THOC5: variants seen among roughly 807,000 people sequenced by gnomAD.
THOC5 encodes the protein Fms-interacting protein.
A neutral mutation model predicts 92.9 loss-of-function variants in THOC5; 43 were observed. That is an observed-to-expected ratio of 0.46 (90% CI 0.36 to 0.60). The LOEUF (loss-of-function observed/expected upper bound fraction) is 0.60, where lower values mean the gene tolerates loss of function less well. Ranked by LOEUF, THOC5 falls within the 20% of genes least tolerant of loss-of-function variation. THOC5 has a pLI of 0.00. For missense variants in THOC5, 659 were observed against 849.4 expected, an observed-to-expected ratio of 0.78 and a Z score of 2.79; for synonymous variants, 296 against 320.1, an observed-to-expected ratio of 0.92 and a Z score of 0.80.
intron 11 of THOC5, among the ~76,000 whole-genome samples, chr22:29,527,236 A>G (rs892048719): frequency 6.6e-6 from 1 of 152,156 alleles, no homozygotes; most frequent in Non-Finnish European, 1.5e-5. Context: ...CCTGGGCAAC[A>G]TGACAAAACC....
At chr22:29,528,490 C>T in intron 9 of THOC5, 24 bp from the exon 10 acceptor site, 1 of 1,612,082 alleles carries the variant, frequency 6.2e-7, no homozygotes, top group Non-Finnish European at 8.5e-7. Context: ...GAGAAGGCAG[C>T]TAGAGGTGAG....
chr22:29,526,707 C>T (rs895977339), intron 11 of THOC5, among the ~76,000 whole-genome samples: 1 of 151,854 alleles, frequency 6.6e-6, no homozygotes, highest in African/African-American at 2.4e-5. Context: ...GGGAACCAAG[C>T]GATCAAGGTC....
At chr22:29,526,143 T>C (rs1052931170) in intron 11 of THOC5, among the ~76,000 whole-genome samples, 197 bp from the exon 12 acceptor site, 4 of 152,040 alleles carry the variant, frequency 2.6e-5, no homozygotes, top group Non-Finnish European at 5.9e-5. Flanking sequence ...AATCGGCACA[T>C]GTATCCCCAG....
At chr22:29,510,342 A>T (rs2063200603) in intron 19 of THOC5, among the ~76,000 whole-genome samples, 1 of 152,174 alleles carries the variant, frequency 6.6e-6, no homozygotes. Context: ...CATGCCTGTA[A>T]TCCCAGCACT....
chr22:29,524,109 G>A (rs2063497618), intron 12 of THOC5, among the ~76,000 whole-genome samples: 1 of 152,232 alleles, frequency 6.6e-6, no homozygotes, highest in African/African-American at 2.4e-5. Flanking sequence ...CAGTTTCACA[G>A]TGGCATCTCC....
intron 17 of THOC5, 82 bp downstream of exon 17, chr22:29,516,947 T>G: frequency 1.4e-6 from 2 of 1,388,924 alleles, no homozygotes; most frequent in South Asian, 2.3e-5. Flanking sequence ...TCCAGGATCT[T>G]CTGCTTTGGG....
chr22:29,516,921 T>C (rs2063343695), intron 17 of THOC5, 108 bp downstream of exon 17: 6 of 990,588 alleles, frequency 6.1e-6, no homozygotes, highest in Non-Finnish European at 9.6e-6. Flanking sequence ...TATTATCTGT[T>C]AAGTCCTTGC....
intron 1 of THOC5, among the ~76,000 whole-genome samples, chr22:29,551,960 A>AT (rs2064159253): frequency 6.6e-6 from 1 of 151,712 alleles, no homozygotes; most frequent in South Asian, 2.1e-4. Flanking sequence ...TGGTTTTCGT[A>AT]TTTTTTGGTG....
chr22:29,523,296 G>A (rs1384854788), intron 12 of THOC5, among the ~76,000 whole-genome samples: 2 of 151,822 alleles, frequency 1.3e-5, no homozygotes, highest in Non-Finnish European at 2.9e-5. Flanking sequence ...CTCTGTCAGG[G>A]AGGATTTTTA....
chr22:29,525,810 G>GTCA, intron 12 of THOC5, 28 bp downstream of exon 12: 1 of 1,583,552 alleles, frequency 6.3e-7, no homozygotes, highest in Non-Finnish European at 8.7e-7. Flanking sequence ...CATCCCGCAC[G>GTCA]TCATTGCCCA....
At chr22:29,514,662 A>G (rs1029949604) in intron 17 of THOC5, among the ~76,000 whole-genome samples, 24 of 151,242 alleles carry the variant, frequency 1.6e-4, no homozygotes, top group Non-Finnish European at 2.2e-4. Context: ...TATTCGTCTA[A>G]ATTTTGCTTT....
chr22:29,531,260 G>A (rs1043514909), intron 8 of THOC5: 3 of 1,012,290 alleles, frequency 3.0e-6, no homozygotes, highest in Non-Finnish European at 3.6e-6. Context: ...AGGTGGGGTG[G>A]GGTGGGGGAG....
At chr22:29,539,213 T>C (rs2063828508) in intron 6 of THOC5, 117 bp downstream of exon 6, 1 of 1,064,610 alleles carries the variant, frequency 9.4e-7, no homozygotes, top group Non-Finnish European at 1.4e-6. Flanking sequence ...AATCATAAAA[T>C]GGGATTTGGT....
intron 2 of THOC5, among the ~76,000 whole-genome samples, chr22:29,547,487 C>T (rs569529619): frequency 5.5e-4 from 84 of 152,200 alleles, no homozygotes; most frequent in African/African-American, 1.5e-3. Context: ...CTCAGCCTCC[C>T]GAGTAGCTGG....
intron 18 of THOC5, 113 bp from the exon 19 acceptor site, chr22:29,511,409 G>T: frequency 8.5e-7 from 1 of 1,174,050 alleles, no homozygotes; most frequent in Non-Finnish European, 1.2e-6. Context: ...TGCAGGGGCT[G>T]GGCCAGGGGC....
At chr22:29,536,988 T>C (rs1033523398) in intron 6 of THOC5, among the ~76,000 whole-genome samples, 4 of 152,258 alleles carry the variant, frequency 2.6e-5, no homozygotes, top group African/African-American at 9.6e-5. Context: ...GGCAAGTAGA[T>C]AACTTGCCCA....
intron 7 of THOC5, among the ~76,000 whole-genome samples, chr22:29,532,319 A>G (rs2063671640): frequency 6.6e-6 from 1 of 151,958 alleles, no homozygotes. Context: ...TCAATTTAAA[A>G]AAAGAAATTA....
In THOC5 at chr22:29,517,072, C is replaced by A. The variant is rs766700272; in HGVS notation, c.1638G>T (p.Gly546=). The change falls in exon 17 of 20, where the codon GGG becomes GGT. Residue 546 remains glycine (G), a synonymous_variant. Coordinates refer to ENST00000490103, the MANE Select transcript of THOC5 (RefSeq NM_003678.5). Reference sequence around the variant, plus strand: ...GCGCCATGTAGTAGAGATTGGTGTCCCCAGCCAGTCCCGCATCCACAATGT... The same window carrying A: ...GCGCCATGTAGTAGAGATTGGTGTCACCAGCCAGTCCCGCATCCACAATGT... The part of the protein sequence containing the change: ...TKDIVDAGLA[G]DTNLYYMALI... The A allele has an allele frequency of 6.2e-7, 1 of 1,614,090 alleles. No homozygotes were observed. Among genetic ancestry groups the A allele is most frequent in the South Asian group, 1.1e-5 (1 of 91,074 alleles).
In THOC5 at chr22:29,511,306, A is replaced by C. The variant is rs771369027; in HGVS notation, c.1798-10T>G. ...CTTCGCCCTCCATGGCCTGTGTGAT[A>C]GGAAAGCCAGCATCTCAGCACTACC... On this transcript the variant is annotated splice_polypyrimidine_tract_variant and intron_variant, in intron 18 of 19. Coordinates refer to ENST00000490103, the MANE Select transcript of THOC5 (RefSeq NM_003678.5). 1 of 1,606,142 alleles carries C rather than the reference A, an allele frequency of 6.2e-7. No individual in the cohort carries two copies. Among genetic ancestry groups the C allele is most frequent in the South Asian group, 1.1e-5 (1 of 90,922 alleles).
Sources: gnomAD v4.1 joint callset for allele counts (sites outside exome capture counted in the v4.1 genomes callset) on GRCh38, gnomAD v4.1.1 for gene constraint, MANE v1.5 for transcripts, NCBI Gene and HGNC (gene_info 2026-07-23, HGNC 2026-07-21) for gene names.